The following SGCZ variants were observed in gnomAD, a reference collection of about 807,000 sequenced individuals.
SGCZ encodes the protein zeta-sarcoglycan.
In SGCZ, 40 loss-of-function variants were observed where a neutral mutation model predicts 41.3. The ratio of observed to expected loss-of-function variants is 0.97; its 90% CI spans 0.75 to 1.26. The LOEUF (loss-of-function observed/expected upper bound fraction) is 1.26, where lower values mean the gene tolerates loss of function less well. Among genes scored for constraint, SGCZ ranks in the 50% most tolerant of loss-of-function variants. SGCZ has a pLI of 0.00. For missense variants in SGCZ, 552 were observed against 369.8 expected, an observed-to-expected ratio of 1.49 and a Z score of -4.04; for synonymous variants, 206 against 137.5, an observed-to-expected ratio of 1.50 and a Z score of -3.49.
At chr8:14,561,434 T>C (rs1804204689) in intron 1 of SGCZ, among the ~76,000 whole-genome samples, 1 of 152,150 alleles carries the variant, frequency 6.6e-6, no homozygotes, top group African/African-American at 2.4e-5. Flanking sequence ...TACCAAGATG[T>C]TTCTCTGGCT....
At chr8:14,988,506 G>A (rs1003885816) in intron 1 of SGCZ, among the ~76,000 whole-genome samples, 1 of 151,868 alleles carries the variant, frequency 6.6e-6, no homozygotes, top group Non-Finnish European at 1.5e-5. Flanking sequence ...GCCTAAATAT[G>A]GATTGAGAAT....
chr8:14,679,135 C>A (rs996424995), intron 1 of SGCZ, among the ~76,000 whole-genome samples: 5 of 152,156 alleles, frequency 3.3e-5, no homozygotes, highest in Non-Finnish European at 7.4e-5. Flanking sequence ...ACCTACTGCA[C>A]TGCCAGTCAT....
intron 1 of SGCZ, among the ~76,000 whole-genome samples, chr8:15,107,231 T>C (rs1035559328): frequency 1.2e-4 from 18 of 152,296 alleles, no homozygotes; most frequent in African/African-American, 3.8e-4. Flanking sequence ...ACTCTTTTGT[T>C]CTCAAAGTAG....
intron 1 of SGCZ, among the ~76,000 whole-genome samples, chr8:14,992,202 T>TTA (rs1185139507): frequency 1.3e-5 from 2 of 151,618 alleles, no homozygotes; most frequent in East Asian, 3.9e-4. Flanking sequence ...TCCTTGATAT[T>TTA]TACCTCTCAT....
chr8:14,258,785 A>C (rs191718747), intron 3 of SGCZ, among the ~76,000 whole-genome samples: 1 of 152,304 alleles, frequency 6.6e-6, no homozygotes, highest in African/African-American at 2.4e-5. Context: ...CATGACCTTC[A>C]AGTGTGAGGA....
intron 1 of SGCZ, among the ~76,000 whole-genome samples, chr8:14,641,478 C>G (rs977897718): frequency 6.6e-6 from 1 of 151,632 alleles, no homozygotes; most frequent in Non-Finnish European, 1.5e-5. Flanking sequence ...TTCTAGGACG[C>G]TACAAGTCTC....
chr8:14,376,373 A>G (rs746064311), intron 2 of SGCZ, among the ~76,000 whole-genome samples: 1 of 152,198 alleles, frequency 6.6e-6, no homozygotes, highest in Non-Finnish European at 1.5e-5. Context: ...AACTATTGTA[A>G]CAACACAAAC....
At chr8:14,217,232 G>A (rs1255333682) in intron 4 of SGCZ, among the ~76,000 whole-genome samples, 1 of 141,418 alleles carries the variant, frequency 7.1e-6, no homozygotes, top group African/African-American at 2.6e-5. Flanking sequence ...GGAGGCAGAG[G>A]TTGCAGTGAG....
chr8:14,411,158 C>T (rs957871453), intron 2 of SGCZ, among the ~76,000 whole-genome samples: 32 of 152,104 alleles, frequency 2.1e-4, no homozygotes, highest in African/African-American at 6.5e-4. Flanking sequence ...ATTAAGTTTT[C>T]AAATTAGAAA....
At chr8:14,730,678 A>G (rs1294615838) in intron 1 of SGCZ, among the ~76,000 whole-genome samples, 1 of 151,724 alleles carries the variant, frequency 6.6e-6, no homozygotes, top group Non-Finnish European at 1.5e-5. Context: ...CCAGATCTTT[A>G]TTATGTCACC....
At chr8:15,179,839 T>G (rs1387198402) in intron 1 of SGCZ, among the ~76,000 whole-genome samples, 5 of 152,134 alleles carry the variant, frequency 3.3e-5, no homozygotes, top group Non-Finnish European at 7.4e-5. Flanking sequence ...AAAGGTACTT[T>G]TCTCAAACAG....
At chr8:14,473,085 A>G (rs1304452646) in intron 2 of SGCZ, among the ~76,000 whole-genome samples, 1 of 152,200 alleles carries the variant, frequency 6.6e-6, no homozygotes, top group Non-Finnish European at 1.5e-5. Flanking sequence ...GCTCAGTTAA[A>G]ATAAATAACT....
intron 1 of SGCZ, among the ~76,000 whole-genome samples, chr8:14,973,065 T>G (rs1323657299): frequency 6.6e-6 from 1 of 152,220 alleles, no homozygotes; most frequent in African/African-American, 2.4e-5. Flanking sequence ...ATTTGCATAC[T>G]CTTAACATTC....
At chr8:14,773,499 T>G (rs1463992419) in intron 1 of SGCZ, among the ~76,000 whole-genome samples, 1 of 152,184 alleles carries the variant, frequency 6.6e-6, no homozygotes, top group Non-Finnish European at 1.5e-5. Flanking sequence ...ATGATCAACA[T>G]TTCAAACTCT....
At chr8:14,660,657 A>G (rs867364506) in intron 1 of SGCZ, among the ~76,000 whole-genome samples, 4 of 152,010 alleles carry the variant, frequency 2.6e-5, no homozygotes, top group South Asian at 2.1e-4. Flanking sequence ...CTCTGAGGAA[A>G]GAACCACTTG....
intron 1 of SGCZ, among the ~76,000 whole-genome samples, chr8:14,806,460 C>T (rs1337204442): frequency 6.6e-6 from 1 of 151,862 alleles, no homozygotes; most frequent in East Asian, 1.9e-4. Flanking sequence ...CACCTCTACG[C>T]AAATAAACTA....
intron 2 of SGCZ, among the ~76,000 whole-genome samples, chr8:14,550,915 T>C (rs73667310): frequency 0.18 from 27,624 of 151,886 alleles, 2,823 homozygotes; most frequent in South Asian, 0.38. Flanking sequence ...ACGACAATGA[T>C]ACTCAATTAT....
intron 1 of SGCZ, among the ~76,000 whole-genome samples, chr8:14,861,626 G>A (rs1382181818): frequency 1.3e-5 from 2 of 152,058 alleles, no homozygotes; most frequent in Non-Finnish European, 2.9e-5. Context: ...CTACCTGAGA[G>A]AGATTCCGTA....
At chr8:14,757,299 T>G (rs1481716492) in intron 1 of SGCZ, among the ~76,000 whole-genome samples, 1 of 152,234 alleles carries the variant, frequency 6.6e-6, no homozygotes, top group African/African-American at 2.4e-5. Context: ...TCCATCCGCC[T>G]CAGCCTCCCA....
Sources: allele counts gnomAD v4.1 joint callset (sites outside exome capture counted in the v4.1 genomes callset), GRCh38; gene constraint gnomAD v4.1.1; transcripts MANE v1.5; gene names NCBI Gene and HGNC (gene_info 2026-07-23, HGNC 2026-07-21).